KCNMA1: variants seen among roughly 807,000 people sequenced by gnomAD.
The protein encoded by KCNMA1 is potassium calcium-activated channel subfamily M alpha 1.
KCNMA1 carries 29 observed loss-of-function variants against 140.0 expected under a neutral mutation model. The observed-to-expected ratio is 0.21, with a 90% CI of 0.15 to 0.28. The LOEUF (loss-of-function observed/expected upper bound fraction) is 0.28. Ranked by LOEUF, KCNMA1 falls within the 10% of genes least tolerant of loss-of-function variation. KCNMA1 has a pLI of 1.00. For synonymous variants in KCNMA1, 612 were observed against 611.9 expected (o/e 1.00, Z 0.00); for missense variants, 880 against 1,602.2 (o/e 0.55, Z 7.70).
At chr10:77,493,985 G>C (rs564745236) in intron 1 of KCNMA1, 45 of 152,380 alleles carry the variant, frequency 3.0e-4, no homozygotes, top group African/African-American at 1.1e-3. Flanking sequence ...AAGGAGGTGA[G>C]CCCTGTGGGA....
At chr10:77,238,842 A>G (rs1002334024) in intron 3 of KCNMA1, among the ~76,000 whole-genome samples, 4 of 152,202 alleles carry the variant, frequency 2.6e-5, no homozygotes, top group Non-Finnish European at 5.9e-5. Flanking sequence ...CCTGGCAGGC[A>G]AAATTTTTGC....
At chr10:76,998,969 G>A (rs901463913) in intron 19 of KCNMA1, among the ~76,000 whole-genome samples, 2 of 152,226 alleles carry the variant, frequency 1.3e-5, no homozygotes, top group Non-Finnish European at 2.9e-5. Flanking sequence ...ATGACGGCAG[G>A]ACGACTGATG....
intron 9 of KCNMA1, chr10:77,090,867 T>G: frequency 3.0e-6 from 1 of 328,046 alleles, no homozygotes; most frequent in South Asian, 3.5e-5. Context: ...TCTCTCCCTT[T>G]CTGCCCACAA....
At chr10:77,236,469 C>T (rs1047508890) in intron 3 of KCNMA1, among the ~76,000 whole-genome samples, 8 of 152,152 alleles carry the variant, frequency 5.3e-5, no homozygotes, top group Non-Finnish European at 7.4e-5. Context: ...TCACCCCATG[C>T]CCCTCTTCTG....
intron 14 of KCNMA1, among the ~76,000 whole-genome samples, chr10:77,049,861 A>G (rs1216034395): frequency 2.0e-5 from 3 of 152,194 alleles, no homozygotes; most frequent in Non-Finnish European, 4.4e-5. Flanking sequence ...ACTTCTTACT[A>G]TGAGCAATAT....
intron 3 of KCNMA1, among the ~76,000 whole-genome samples, chr10:77,192,043 T>C (rs1373314744): frequency 1.3e-5 from 2 of 152,148 alleles, no homozygotes; most frequent in African/African-American, 4.8e-5. Flanking sequence ...AGCATCCATA[T>C]ACACTCTGTA....
chr10:77,428,133 T>A (rs1470500637), intron 1 of KCNMA1, among the ~76,000 whole-genome samples: 1 of 152,136 alleles, frequency 6.6e-6, no homozygotes, highest in Non-Finnish European at 1.5e-5. Context: ...TGAATTACAC[T>A]CATTCAATCA....
Position 77,609,364 on chromosome 10 carries a change from T to C in KCNMA1, c.378+27901A>G, listed in dbSNP as rs936364847. 5.3e-5 allele frequency among the ~76,000 whole-genome samples: 8 copies of C among 152,306 alleles called. No homozygotes were observed. The East Asian group carries it at 1.5e-3, about 29-fold the overall frequency. On this transcript the variant is annotated intron_variant, in intron 1 of 27. Transcript: ENST00000286628. ...CAGGGATAGGAAGACAAATACTACG[T>C]GATCTAATTTATATGTGGACTCTTA...
chr10:77,133,396 A>G (rs2097906519), intron 5 of KCNMA1, among the ~76,000 whole-genome samples: 2 of 151,940 alleles, frequency 1.3e-5, no homozygotes, highest in Admixed American at 1.3e-4. Flanking sequence ...TAAAAGACAT[A>G]CACTGCAAAC....
intron 3 of KCNMA1, among the ~76,000 whole-genome samples, chr10:77,209,519 T>C (rs1426134810): frequency 1.3e-5 from 2 of 152,188 alleles, no homozygotes; most frequent in African/African-American, 4.8e-5. Flanking sequence ...AGGAAACTAA[T>C]CCAAGGGAGA....
intron 5 of KCNMA1, among the ~76,000 whole-genome samples, chr10:77,169,314 A>G (rs11002057): frequency 0.16 from 23,817 of 152,104 alleles, 2,102 homozygotes; most frequent in African/African-American, 0.23. Flanking sequence ...GGGCTGGAGA[A>G]GAAGGCTAGG....
At chr10:77,210,147 T>C (rs189128545) in intron 3 of KCNMA1, among the ~76,000 whole-genome samples, 7 of 152,204 alleles carry the variant, frequency 4.6e-5, no homozygotes, top group Admixed American at 1.3e-4. Flanking sequence ...CTGATGAACA[T>C]AGATGCAAAA....
At chr10:76,963,936 CA>C (rs751027773) in intron 20 of KCNMA1, among the ~76,000 whole-genome samples, 1 of 152,012 alleles carries the variant, frequency 6.6e-6, no homozygotes, top group African/African-American at 2.4e-5. Context: ...GTGGTCTCCT[CA>C]AAAGGAATCA....
intron 1 of KCNMA1, among the ~76,000 whole-genome samples, chr10:77,528,581 C>T (rs895718246): frequency 7.3e-5 from 11 of 150,922 alleles, no homozygotes; most frequent in Non-Finnish European, 5.9e-5. Flanking sequence ...TGCACTCCAG[C>T]CTGGGTGACA....
intron 15 of KCNMA1, 29 bp downstream of exon 15, chr10:77,039,499 C>A (rs201910513): frequency 2.3e-6 from 3 of 1,319,726 alleles, no homozygotes; most frequent in East Asian, 2.3e-5. Flanking sequence ...CCCTGAAAGC[C>A]AAAGAGCATC....
chr10:77,602,282 T>C (rs996793469), intron 1 of KCNMA1, among the ~76,000 whole-genome samples: 2 of 152,102 alleles, frequency 1.3e-5, no homozygotes, highest in African/African-American at 4.8e-5. Flanking sequence ...GGGTTCACTA[T>C]TGTAGCATGA....
At chr10:77,273,659 G>A (rs2065816589) in intron 2 of KCNMA1, among the ~76,000 whole-genome samples, 1 of 152,210 alleles carries the variant, frequency 6.6e-6, no homozygotes, top group African/African-American at 2.4e-5. Flanking sequence ...GGTGAGCAGA[G>A]GAGAGGACAG....
chr10:76,885,132 C>T lies in KCNMA1; in HGVS notation c.*2134G>A. 1 of 1,433,798 alleles carries T rather than the reference C, an allele frequency of 7.0e-7. No individual in the cohort carries two copies. The highest frequency in any genetic ancestry group is 9.2e-7 in the Non-Finnish European group (1 of 1,091,178). 88.8% of individuals were successfully genotyped at this position (1,433,798 alleles called of 1,614,324 possible). A position where few individuals can be genotyped will look rare whatever the true frequency, so the allele number is the denominator to read the frequency against. ...AGTTATAAATGTTCTGAGGGCGTAA[C>T]TTTATAACCTCCTTTGCAAAGAATG... On this transcript the variant is annotated 3_prime_UTR_variant, in exon 28 of 28. Transcript: ENST00000286628.
chr10:77,268,232 G>C (rs1350697892), intron 2 of KCNMA1, among the ~76,000 whole-genome samples: 1 of 152,170 alleles, frequency 6.6e-6, no homozygotes, highest in African/African-American at 2.4e-5. Flanking sequence ...CTCTAGGAGA[G>C]TTTCTAGTTC....
Sources: allele counts gnomAD v4.1 joint callset (sites outside exome capture counted in the v4.1 genomes callset), GRCh38; gene constraint gnomAD v4.1.1; transcripts MANE v1.5; gene names NCBI Gene and HGNC (gene_info 2026-07-23, HGNC 2026-07-21).